Variants in CDKAL1 observed in about 807,000 individuals in gnomAD.
CDKAL1 encodes the protein CDKAL1 threonylcarbamoyladenosine tRNA methylthiotransferase, also known as threonylcarbamoyladenosine tRNA methylthiotransferase.
Under a neutral mutation model 68.2 loss-of-function variants are expected in CDKAL1, and 32 were observed. The observed-to-expected ratio is 0.47, with a 90% CI of 0.35 to 0.63. CDKAL1 has a LOEUF of 0.63. Ranked by LOEUF, CDKAL1 falls within the 30% of genes least tolerant of loss-of-function variation. The pLI is 0.00. For synonymous variants in CDKAL1, 234 were observed against 244.3 expected, an observed-to-expected ratio of 0.96 and a Z score of 0.39; for missense variants, 606 against 696.7, an observed-to-expected ratio of 0.87 and a Z score of 1.47.
chr6:21,014,314 A>C (rs2150846254), intron 11 of CDKAL1, among the ~76,000 whole-genome samples: 1 of 152,282 alleles, frequency 6.6e-6, no homozygotes, highest in South Asian at 2.1e-4. Context: ...ATGTCTAAAA[A>C]GTTCTCGGGC....
At chr6:20,785,980 G>A (rs1775654825) in intron 8 of CDKAL1, among the ~76,000 whole-genome samples, 1 of 152,150 alleles carries the variant, frequency 6.6e-6, no homozygotes, top group Admixed American at 6.5e-5. Context: ...CAGCACTTTG[G>A]GAGGCCAAGG....
At chr6:21,124,556 C>T (rs1043508007) in intron 13 of CDKAL1, among the ~76,000 whole-genome samples, 2 of 152,012 alleles carry the variant, frequency 1.3e-5, no homozygotes, top group South Asian at 2.1e-4. Context: ...ATCCTAGACT[C>T]CTCCCACTCC....
intron 13 of CDKAL1, among the ~76,000 whole-genome samples, chr6:21,170,331 G>A (rs1172802393): frequency 6.6e-6 from 1 of 152,030 alleles, no homozygotes; most frequent in Non-Finnish European, 1.5e-5. Flanking sequence ...TTGGTTGGTT[G>A]GTTGGTTTGT....
chr6:20,790,095 C>T (rs1005704309), intron 8 of CDKAL1, among the ~76,000 whole-genome samples: 5 of 151,988 alleles, frequency 3.3e-5, no homozygotes, highest in Admixed American at 2.0e-4. Context: ...CACACCTAGC[C>T]GGGACATCAA....
intron 9 of CDKAL1, among the ~76,000 whole-genome samples, chr6:20,921,192 A>T (rs1199472090): frequency 6.6e-6 from 1 of 152,184 alleles, no homozygotes; most frequent in Non-Finnish European, 1.5e-5. Context: ...GCACTTTGGG[A>T]GGCCGAGGTG....
At chr6:21,205,830 CTTTTTTTT>C (rs34849597) in intron 15 of CDKAL1, among the ~76,000 whole-genome samples, 2 of 66,610 alleles carry the variant, frequency 3.0e-5, no homozygotes, top group East Asian at 4.1e-4. Context: ...CGCGCCCAGC[CTTTTTTTT>C]TTTTTTTTTT....
chr6:20,862,066 C>A (rs1350308679), intron 9 of CDKAL1, among the ~76,000 whole-genome samples: 3 of 152,054 alleles, frequency 2.0e-5, no homozygotes, highest in Non-Finnish European at 4.4e-5. Flanking sequence ...TATTATAATA[C>A]CGTTACATTT....
At chr6:21,119,536 G>A (rs576803853) in intron 13 of CDKAL1, among the ~76,000 whole-genome samples, 2 of 152,256 alleles carry the variant, frequency 1.3e-5, no homozygotes, top group Non-Finnish European at 2.9e-5. Flanking sequence ...GAAATTAATA[G>A]GTTTTCGCTT....
At chr6:20,828,585 G>C (rs866436579) in intron 8 of CDKAL1, among the ~76,000 whole-genome samples, 1 of 152,048 alleles carries the variant, frequency 6.6e-6, no homozygotes, top group African/African-American at 2.4e-5. Flanking sequence ...GGGTTTCCTT[G>C]ATTATCTTTA....
At chr6:20,773,142 C>T (rs1029180896) in intron 7 of CDKAL1, 2 of 152,164 alleles carry the variant, frequency 1.3e-5, no homozygotes, top group African/African-American at 4.8e-5. Flanking sequence ...TTAATTCTAC[C>T]ATTTTGTGTA....
At chr6:21,094,447 C>T (rs1039516790) in intron 12 of CDKAL1, among the ~76,000 whole-genome samples, 2 of 152,042 alleles carry the variant, frequency 1.3e-5, no homozygotes, top group African/African-American at 4.8e-5. Context: ...TAAGCAGATG[C>T]TTTAGGGGGT....
At position 20,588,351 on chromosome 6, in the gene CDKAL1, C is replaced by T. The variant is rs183234492; in HGVS notation, c.286+39646C>T. ...TTCAAAGCTACCTTCTACATGACTC[C>T]CTCACCCAAAAATTCATCTTTGTTT... On this transcript the variant is annotated intron_variant, in intron 4 of 15. Coordinates refer to ENST00000274695, the MANE Select transcript of CDKAL1 (RefSeq NM_017774.3). Among the ~76,000 whole-genome samples, 4 of 152,272 alleles carry T rather than the reference C, an allele frequency of 2.6e-5. No homozygotes were observed. In the East Asian group the frequency reaches 7.7e-4, roughly 29 times the overall value.
At chr6:21,170,636 C>T (rs115207247) in intron 13 of CDKAL1, among the ~76,000 whole-genome samples, 5 of 152,032 alleles carry the variant, frequency 3.3e-5, no homozygotes, top group Admixed American at 1.3e-4. Context: ...CCGTACTTAC[C>T]GGTTTTTAAA....
At chr6:21,130,111 A>T (rs1325806238) in intron 13 of CDKAL1, among the ~76,000 whole-genome samples, 1 of 149,676 alleles carries the variant, frequency 6.7e-6, no homozygotes, top group Non-Finnish European at 1.5e-5. Flanking sequence ...GTTTCTAGCT[A>T]TTGTTGATTT....
intron 7 of CDKAL1, among the ~76,000 whole-genome samples, chr6:20,770,597 T>C (rs955806470): frequency 3.9e-5 from 6 of 152,214 alleles, no homozygotes; most frequent in African/African-American, 1.2e-4. Context: ...TTTAAGACGA[T>C]GTTTGATTAG....
intron 4 of CDKAL1, among the ~76,000 whole-genome samples, chr6:20,629,086 C>T (rs1767560084): frequency 1.3e-5 from 2 of 152,178 alleles, no homozygotes; most frequent in African/African-American, 4.8e-5. Flanking sequence ...AAAGGATTCC[C>T]TTTGAAATGT....
At chr6:21,230,771 C>T (rs1562135147) in intron 15 of CDKAL1, 77 bp from the exon 16 acceptor site, 4 of 1,157,866 alleles carry the variant, frequency 3.5e-6, no homozygotes, top group Non-Finnish European at 4.7e-6. Context: ...CTTCTGGAAC[C>T]CATTGCTTGA....
intron 4 of CDKAL1, among the ~76,000 whole-genome samples, chr6:20,641,235 TG>T: frequency 6.6e-6 from 1 of 152,274 alleles, no homozygotes; most frequent in Non-Finnish European, 1.5e-5. Flanking sequence ...AGGAAGCTAT[TG>T]ATTCCAAGCT....
chr6:21,212,029 G>T (rs1779168731), intron 15 of CDKAL1, among the ~76,000 whole-genome samples: 2 of 152,122 alleles, frequency 1.3e-5, no homozygotes, highest in Admixed American at 1.3e-4. Context: ...TTAGAGTGCT[G>T]GGATTACAGG....
Sources: gnomAD v4.1 joint callset for allele counts (sites outside exome capture counted in the v4.1 genomes callset) on GRCh38, gnomAD v4.1.1 for gene constraint, MANE v1.5 for transcripts, NCBI Gene and HGNC (gene_info 2026-07-23, HGNC 2026-07-21) for gene names.